Variants in PSMD13 observed in about 807,000 individuals in gnomAD.
The protein encoded by PSMD13 is proteasome 26S subunit, non-ATPase 13.
Under a neutral mutation model 57.4 loss-of-function variants are expected in PSMD13, and 8 were observed. The ratio of observed to expected loss-of-function variants is 0.14; its 90% CI spans 0.08 to 0.25. The LOEUF (loss-of-function observed/expected upper bound fraction) is 0.25. PSMD13 is among the 10% of genes least tolerant of loss of function. The pLI, the probability that PSMD13 is intolerant of heterozygous loss-of-function variation, is 1.00. For synonymous variants in PSMD13, 193 were observed against 168.2 expected (o/e 1.15, Z -1.14); for missense variants, 400 against 461.5 (o/e 0.87, Z 1.22).
In PSMD13 at chr11:252,855, C is replaced by T. The variant is rs1859796419; in HGVS notation, c.*255C>T. ...CTTAGGTGATACGGGAGAGAAAGAA[C>T]GTGCCAGGCAGGAGGCCCCCTGAAG... is the stretch of plus-strand genomic sequence containing the variant. On this transcript the variant is annotated 3_prime_UTR_variant, in exon 13 of 13. Transcript: ENST00000532097. The surrounding 1 kb of genome is among the most constrained non-coding windows in gnomAD (Gnocchi z 4.1). 5 of 422,590 alleles carry T rather than the reference C, an allele frequency of 1.2e-5. No individual in the cohort carries two copies. Among genetic ancestry groups the T allele is most frequent in the African/African-American group, 5.9e-5 (3 of 50,730 alleles). The allele number at this position is 422,590 out of a possible 1,614,324, so 26.2% of individuals were successfully genotyped here.
At chr11:247,224 AT>A (rs1859666923) in intron 6 of PSMD13, 52 bp from the exon 7 acceptor site, 1 of 1,541,284 alleles carries the variant, frequency 6.5e-7, no homozygotes, top group Non-Finnish European at 8.7e-7. Context: ...CTCTAAAAAA[AT>A]AAAATAAACT....
At chr11:249,389 C>T (rs189932850) in intron 9 of PSMD13, among the ~76,000 whole-genome samples, 3 of 151,890 alleles carry the variant, frequency 2.0e-5, no homozygotes, top group South Asian at 2.1e-4. Flanking sequence ...TGAAGAGGTA[C>T]GGGAAGAGTG....
At position 251,786 on chromosome 11, in the gene PSMD13, ATCTTG is replaced by A; in HGVS notation, c.919-29_919-25del. The A allele has an allele frequency of 6.2e-7, 1 of 1,600,848 alleles. No individual in the cohort carries two copies. ...TGGGTCCATGGGGGTGTGTCAGGCT[ATCTTG>A]TCTTACACACGCCTCCCTCTCTGCA... is the stretch of plus-strand genomic sequence containing the variant. On this transcript the variant is annotated intron_variant, in intron 11 of 12. Coordinates refer to ENST00000532097, the MANE Select transcript of PSMD13 (RefSeq NM_002817.4). This position sits in a 1 kb window ranked among gnomAD's most constrained non-coding sequence, Gnocchi z 4.6.
At chr11:238,971 A>G in intron 1 of PSMD13, 27 bp from the exon 2 acceptor site, 1 of 1,601,766 alleles carries the variant, frequency 6.2e-7, no homozygotes, top group Non-Finnish European at 8.6e-7. Context: ...ATTAGGTTAG[A>G]GGTCTTAAGG....
chr11:250,639 C>G, intron 9 of PSMD13, 164 bp from the exon 10 acceptor site: 1 of 600,854 alleles, frequency 1.7e-6, no homozygotes, highest in Non-Finnish European at 3.0e-6. Context: ...AAGCTCAGAT[C>G]ACTTGTTGTT....
At chr11:243,891 G>T (rs1450156035) in intron 2 of PSMD13, 150 bp from the exon 3 acceptor site, 8 of 664,342 alleles carry the variant, frequency 1.2e-5, no homozygotes, top group Admixed American at 6.2e-5. Flanking sequence ...CTGCAAACAT[G>T]CATTGCTTAC....
At chr11:249,188 C>G (rs917613762) in intron 9 of PSMD13, 131 bp downstream of exon 9, 7 of 1,304,046 alleles carry the variant, frequency 5.4e-6, no homozygotes, top group Admixed American at 2.0e-5. Flanking sequence ...ATAGGCTAGT[C>G]CTTGCTCTCA....
intron 1 of PSMD13, among the ~76,000 whole-genome samples, chr11:237,970 T>A (rs995513299): frequency 3.9e-5 from 6 of 152,240 alleles, no homozygotes; most frequent in African/African-American, 1.4e-4. Flanking sequence ...TTTGATGATG[T>A]TTAGCATTCA....
chr11:248,431 C>A (rs570369408), intron 7 of PSMD13, among the ~76,000 whole-genome samples: 1 of 152,174 alleles, frequency 6.6e-6, no homozygotes, highest in African/African-American at 2.4e-5. Flanking sequence ...TAAGTTAGTT[C>A]TGGTCTGAAA....
At chr11:243,512 A>G (rs1433069012) in intron 2 of PSMD13, 1 of 325,500 alleles carries the variant, frequency 3.1e-6, no homozygotes, top group Non-Finnish European at 6.0e-6. Flanking sequence ...CTCTGGCTGT[A>G]GGATTTTCAA....
In PSMD13 at chr11:252,246, C is replaced by A. The variant is rs1020535896; in HGVS notation, c.1036-259C>A. 4.4e-5 allele frequency: 23 copies of A among 520,924 alleles called. 1 individual carries two copies. Among genetic ancestry groups the A allele is most frequent in the Middle Eastern group, 5.0e-4 (1 of 1,996 alleles). The allele number at this position is 520,924 out of a possible 1,614,324, so 32.3% of individuals were successfully genotyped here. A position where few individuals can be genotyped will look rare whatever the true frequency, so the allele number is the denominator to read the frequency against. ...GTGATTTGAGCTCACGTCGCTCTTA[C>A]ATTTGCTGGAAATGCGATCCTGTGG... On this transcript the variant is annotated intron_variant, in intron 12 of 12. Coordinates refer to ENST00000532097, the MANE Select transcript of PSMD13 (RefSeq NM_002817.4). The surrounding 1 kb of genome is among the most constrained non-coding windows in gnomAD (Gnocchi z 4.1).
At position 252,102 on chromosome 11, in the gene PSMD13, A is replaced by T; in HGVS notation, c.1035+166A>T. 1 of 651,016 alleles carries T rather than the reference A, an allele frequency of 1.5e-6. No homozygotes were observed. The highest frequency in any genetic ancestry group is 2.9e-5 in the Admixed American group (1 of 34,320). 40.3% of individuals were successfully genotyped at this position (651,016 alleles called of 1,614,324 possible). On this transcript the variant is annotated intron_variant, in intron 12 of 12. Transcript: ENST00000532097. The surrounding 1 kb of genome is among the most constrained non-coding windows in gnomAD (Gnocchi z 4.1). ...TGGGTTTTTCTAAGAGCCTAATTTA[A>T]TGCAAGCCTAGGGTTTGAACCCTGC... is the stretch of plus-strand genomic sequence containing the variant.
In PSMD13 at chr11:250,825, C is replaced by G; in HGVS notation, c.797C>G (p.Ala266Gly). The change falls in exon 10 of 13, where the codon GCC becomes GGC. Residue 266 changes from alanine to glycine, a missense_variant. Coordinates refer to ENST00000532097, the MANE Select transcript of PSMD13 (RefSeq NM_002817.4). Reference protein sequence around the residue: ...GQQPDLAANEAQLLRKIQLLC... With the variant: ...GQQPDLAANEGQLLRKIQLLC... Reference sequence around the variant, plus strand: ...CAGCCTGATTTAGCAGCTAATGAAGCCCAGCTTCTGAGGAAAATTCAGTTG... The same window carrying G: ...CAGCCTGATTTAGCAGCTAATGAAGGCCAGCTTCTGAGGAAAATTCAGTTG... 5.0e-6 allele frequency: 8 copies of G among 1,613,986 alleles called. No homozygotes were observed. Among genetic ancestry groups the G allele is most frequent in the Non-Finnish European group, 6.8e-6 (8 of 1,179,950 alleles).
intron 9 of PSMD13, 158 bp from the exon 10 acceptor site, chr11:250,645 T>C (rs1330638775): frequency 1.8e-5 from 11 of 611,704 alleles, no homozygotes; most frequent in Non-Finnish European, 3.2e-5. Flanking sequence ...AGATCACTTG[T>C]TGTTAATGAG....
rs1299047480 is a variant in PSMD13 at position 251,214 on chromosome 11, C to T, written c.838-332C>T. ...GCACATCTGTCTTTCCCCACTAGAA[C>T]TTAAGCTTCGTCAGGAAGTGGCCCT... is the stretch of plus-strand genomic sequence containing the variant. On this transcript the variant is annotated intron_variant, in intron 10 of 12. Coordinates refer to ENST00000532097, the MANE Select transcript of PSMD13 (RefSeq NM_002817.4). The surrounding 1 kb of genome is among the most constrained non-coding windows in gnomAD (Gnocchi z 4.6). The T allele has an allele frequency of 2.3e-6, 1 of 439,814 alleles. No individual in the cohort carries two copies. The highest frequency in any genetic ancestry group is 4.3e-5 in the East Asian group (1 of 23,298). The allele number at this position is 439,814 out of a possible 1,614,324, so 27.2% of individuals were successfully genotyped here.
At chr11:242,430 A>G (rs977872215) in intron 2 of PSMD13, among the ~76,000 whole-genome samples, 1 of 151,894 alleles carries the variant, frequency 6.6e-6, no homozygotes, top group Non-Finnish European at 1.5e-5. Context: ...GGTGAACAAA[A>G]TGTGTATTTC....
At position 251,818 on chromosome 11, in the gene PSMD13, A is replaced by T; in HGVS notation, c.919-2A>T. 2 of 1,613,752 alleles carry T rather than the reference A, an allele frequency of 1.2e-6. No individual in the cohort carries two copies. Among genetic ancestry groups the T allele is most frequent in the Non-Finnish European group, 1.7e-6 (2 of 1,179,714 alleles). On this transcript the variant is annotated splice_acceptor_variant, in intron 11 of 12. Coordinates refer to ENST00000532097, the MANE Select transcript of PSMD13 (RefSeq NM_002817.4). LOFTEE classifies it high-confidence loss of function. The surrounding 1 kb of genome is among the most constrained non-coding windows in gnomAD (Gnocchi z 4.6). Reference sequence around the variant, plus strand: ...CTTACACACGCCTCCCTCTCTGCACAGGTGGAGCTTCTGGTGATGAAGGCC... The same window carrying T: ...CTTACACACGCCTCCCTCTCTGCACTGGTGGAGCTTCTGGTGATGAAGGCC...
At chr11:243,162 GT>G in intron 2 of PSMD13, 13 of 619,064 alleles carry the variant, frequency 2.1e-5, no homozygotes, top group East Asian at 3.1e-5. Context: ...ACCACCTCCT[GT>G]TTTTTTGTGT....
At chr11:244,907 T>A in intron 6 of PSMD13, 146 bp downstream of exon 6, 2 of 538,940 alleles carry the variant, frequency 3.7e-6, no homozygotes, top group Non-Finnish European at 6.4e-6. Context: ...AAAGAACTAC[T>A]ATACCCCAAC....
Sources: allele counts gnomAD v4.1 joint callset (sites outside exome capture counted in the v4.1 genomes callset), GRCh38; gene constraint gnomAD v4.1.1; non-coding constraint Gnocchi (gnomAD v3.1); transcripts MANE v1.5; gene names NCBI Gene and HGNC (gene_info 2026-07-23, HGNC 2026-07-21).